The following VWC2 variants were observed in gnomAD, a reference collection of about 807,000 sequenced individuals.
VWC2 encodes the protein von Willebrand factor C domain containing 2, also known as brorin.
A neutral mutation model predicts 29.8 loss-of-function variants in VWC2; 14 were observed. The observed-to-expected ratio is 0.47, with a 90% CI of 0.31 to 0.74. The LOEUF (loss-of-function observed/expected upper bound fraction) is 0.74. VWC2 is among the 30% of genes least tolerant of loss of function. VWC2 has a pLI of 0.05. For missense variants in VWC2, 457 were observed against 459.8 expected (o/e 0.99, Z 0.05); for synonymous variants, 213 against 199.0 (o/e 1.07, Z -0.59).
chr7:49,824,438 G>A (rs958753035), intron 3 of VWC2, among the ~76,000 whole-genome samples: 1 of 152,132 alleles, frequency 6.6e-6, no homozygotes, highest in African/African-American at 2.4e-5. Flanking sequence ...TCATCTATAA[G>A]TTAATCCTTA....
intron 3 of VWC2, among the ~76,000 whole-genome samples, chr7:49,907,493 A>T (rs139658971): frequency 1.3e-5 from 2 of 152,346 alleles, no homozygotes; most frequent in Non-Finnish European, 2.9e-5. Flanking sequence ...GATTTTAATA[A>T]ACAAGAGTCT....
chr7:49,775,776 G>T lies in VWC2; in HGVS notation c.341G>T (p.Arg114Leu), dbSNP rs1240119481. ...AKAGDLQVRP[R>L]GDTPQAEALA... ...GCCGGGGATCTGCAGGTCCGGCCCC[G>T]CGGGGACACCCCGCAGGCGGAAGCC... The change falls in exon 2 of 4, where the codon CGC (arginine) becomes CTC (leucine). Residue 114 changes from arginine to leucine, a missense_variant. Arg to Leu is a moderately radical substitution (Grantham distance 102). Coordinates refer to ENST00000340652, the MANE Select transcript of VWC2 (RefSeq NM_198570.5). The T allele has an allele frequency of 6.6e-7, 1 of 1,520,290 alleles. No homozygotes were observed. The allele number at this position is 1,520,290 out of a possible 1,614,324, so 94.2% of individuals were successfully genotyped here. A position where few individuals can be genotyped will look rare whatever the true frequency, so the allele number is the denominator to read the frequency against.
chr7:49,887,187 T>A (rs1220087866), intron 3 of VWC2, among the ~76,000 whole-genome samples: 3 of 152,202 alleles, frequency 2.0e-5, no homozygotes, highest in Non-Finnish European at 2.9e-5. Context: ...TCCCCCCCAA[T>A]CTCAATACTA....
At chr7:49,906,008 C>T in intron 3 of VWC2, among the ~76,000 whole-genome samples, 1 of 152,152 alleles carries the variant, frequency 6.6e-6, no homozygotes, top group East Asian at 1.9e-4. Context: ...ATTGCCCACC[C>T]TTTCCCAGAA....
At chr7:49,799,150 T>A (rs1788673940) in intron 2 of VWC2, among the ~76,000 whole-genome samples, 1 of 152,196 alleles carries the variant, frequency 6.6e-6, no homozygotes, top group Middle Eastern at 3.2e-3. Flanking sequence ...TGATCAGTGA[T>A]CAGGGCCCAA....
At chr7:49,825,981 C>A (rs963001765) in intron 3 of VWC2, among the ~76,000 whole-genome samples, 1 of 152,058 alleles carries the variant, frequency 6.6e-6, no homozygotes, top group Admixed American at 6.6e-5. Context: ...AACTGTTCTG[C>A]CAAATCTGAC....
intron 3 of VWC2, among the ~76,000 whole-genome samples, chr7:49,871,959 C>CT (rs1791176497): frequency 2.9e-5 from 1 of 34,612 alleles, no homozygotes; most frequent in African/African-American, 1.1e-4. Context: ...ACACACACAC[C>CT]GAGAAAGAGA....
In VWC2 at chr7:49,774,471, A is replaced by C. The variant is rs1021151506; in HGVS notation, c.-104+358A>C. ...CCCCTTTGGGCGGCAGAAACTTTGG[A>C]ATCCAGAAAGGCTGGCCGGGATCCA... On this transcript the variant is annotated intron_variant, in intron 1 of 3. Coordinates refer to ENST00000340652, the MANE Select transcript of VWC2 (RefSeq NM_198570.5). Among the ~76,000 whole-genome samples the C allele has an allele frequency of 1.1e-4, 17 of 152,312 alleles. 1 individual carries two copies. The highest frequency in any genetic ancestry group is 4.1e-4 in the African/African-American group (17 of 41,578).
rs1793502974 is a variant in VWC2 at position 49,912,428 on chromosome 7, A to G, written c.*243A>G. The G allele has an allele frequency of 2.5e-6, 1 of 395,512 alleles. No homozygotes were observed. The highest frequency in any genetic ancestry group is 3.4e-5 in the South Asian group (1 of 29,096). The allele number at this position is 395,512 out of a possible 1,614,324, so 24.5% of individuals were successfully genotyped here. A position where few individuals can be genotyped will look rare whatever the true frequency, so the allele number is the denominator to read the frequency against. ...AAATAAATGTGCTATTTTCACAGTA[A>G]GTACACAAAAGTACACTATTATATA... On this transcript the variant is annotated 3_prime_UTR_variant, in exon 4 of 4. Transcript: ENST00000340652.
intron 3 of VWC2, among the ~76,000 whole-genome samples, chr7:49,812,098 G>T (rs1789024552): frequency 6.6e-6 from 1 of 152,162 alleles, no homozygotes; most frequent in South Asian, 2.1e-4. Context: ...GAAATATTTT[G>T]TGAAGGCAAA....
intron 3 of VWC2, among the ~76,000 whole-genome samples, chr7:49,868,851 T>A (rs1791018541): frequency 2.0e-5 from 3 of 152,156 alleles, no homozygotes; most frequent in Admixed American, 2.0e-4. Flanking sequence ...ACTCCTAACC[T>A]CAAGTGATCC....
At chr7:49,881,974 G>A (rs889211408) in intron 3 of VWC2, among the ~76,000 whole-genome samples, 12 of 150,546 alleles carry the variant, frequency 8.0e-5, no homozygotes, top group African/African-American at 1.5e-4. Flanking sequence ...TTACATTTTC[G>A]TATTATTTTA....
intron 2 of VWC2, among the ~76,000 whole-genome samples, chr7:49,793,996 G>A (rs1357002541): frequency 6.6e-6 from 1 of 152,138 alleles, no homozygotes; most frequent in East Asian, 1.9e-4. Context: ...CTCATTCTGT[G>A]GACTAGCCAA....
rs559501387 is a variant in VWC2 at position 49,917,430 on chromosome 7, A to G, written c.*5245A>G. 2.8e-4 allele frequency: 43 copies of G among 152,226 alleles called. No individual in the cohort carries two copies. Among genetic ancestry groups the G allele is most frequent in the Non-Finnish European group, 6.0e-4 (41 of 68,034 alleles). 9.4% of individuals were successfully genotyped at this position (152,226 alleles called of 1,614,324 possible). ...GAAACTTAAATGAAAATGTGCTCTC[A>G]GTGCTTGGCCCATGAGCAGTTTATG... is the stretch of plus-strand genomic sequence containing the variant. On this transcript the variant is annotated 3_prime_UTR_variant, in exon 4 of 4. Transcript: ENST00000340652.
chr7:49,873,664 T>C (rs1277574791), intron 3 of VWC2, among the ~76,000 whole-genome samples: 1 of 152,210 alleles, frequency 6.6e-6, no homozygotes, highest in African/African-American at 2.4e-5. Flanking sequence ...TATGCAGTAA[T>C]CATGAATTTT....
rs1486851411 is a variant in VWC2, at chr7:49,920,305, T to C, written c.*8120T>C. 6.6e-6 allele frequency: 1 copy of C among 152,222 alleles called. No individual in the cohort carries two copies. The highest frequency in any genetic ancestry group is 2.4e-5 in the African/African-American group (1 of 41,472). The allele number at this position is 152,222 out of a possible 1,614,324, so 9.4% of individuals were successfully genotyped here. On this transcript the variant is annotated 3_prime_UTR_variant, in exon 4 of 4. Coordinates refer to ENST00000340652, the MANE Select transcript of VWC2 (RefSeq NM_198570.5). Reference sequence around the variant, plus strand: ...AAGTGGTATTTGGATGAGATAATTTTCCTTTAAATTTATTCCTCAGAATGA... The same window carrying C: ...AAGTGGTATTTGGATGAGATAATTTCCCTTTAAATTTATTCCTCAGAATGA...
At chr7:49,785,928 G>C (rs944884691) in intron 2 of VWC2, among the ~76,000 whole-genome samples, 1 of 152,208 alleles carries the variant, frequency 6.6e-6, no homozygotes. Flanking sequence ...GAATCAAGAA[G>C]GAGTGGATAA....
At chr7:49,845,155 A>G (rs528426365) in intron 3 of VWC2, among the ~76,000 whole-genome samples, 1 of 152,292 alleles carries the variant, frequency 6.6e-6, no homozygotes, top group Admixed American at 6.5e-5. Flanking sequence ...GGAGAGCATC[A>G]GGAAGAAGAG....
At chr7:49,849,069 G>A (rs931097712) in intron 3 of VWC2, among the ~76,000 whole-genome samples, 7 of 152,088 alleles carry the variant, frequency 4.6e-5, no homozygotes, top group East Asian at 3.9e-4. Flanking sequence ...GTGTTGGTGC[G>A]CTTCCCTCGC....
Sources: gnomAD v4.1 joint callset for allele counts (sites outside exome capture counted in the v4.1 genomes callset) on GRCh38, gnomAD v4.1.1 for gene constraint, MANE v1.5 for transcripts, NCBI Gene and HGNC (gene_info 2026-07-23, HGNC 2026-07-21) for gene names.